CPEB1: variants seen among roughly 807,000 people sequenced by gnomAD.
The protein encoded by CPEB1 is cytoplasmic polyadenylation element-binding protein 1.
A neutral mutation model predicts 65.8 loss-of-function variants in CPEB1; 7 were observed. The observed-to-expected ratio is 0.11, with a 90% CI of 0.06 to 0.20. The LOEUF is 0.20. Among genes scored for constraint, CPEB1 ranks in the 10% least tolerant of loss-of-function variants. The probability of loss-of-function intolerance (pLI) is 1.00; values close to 1 mark genes in which losing one functional copy is unlikely to be tolerated. For synonymous variants in CPEB1, 262 were observed against 260.0 expected, an observed-to-expected ratio of 1.01 and a Z score of -0.08; for missense variants, 551 against 712.2, an observed-to-expected ratio of 0.77 and a Z score of 2.58.
intron 3 of CPEB1, among the ~76,000 whole-genome samples, chr15:82,587,615 T>A (rs78616413): frequency 0.018 from 2,686 of 152,302 alleles, 30 homozygotes; most frequent in Non-Finnish European, 0.025. Flanking sequence ...GTAGCACGTA[T>A]GAATCTTTAC....
chr15:82,596,745 G>A (rs2042698251), intron 3 of CPEB1, among the ~76,000 whole-genome samples: 1 of 146,220 alleles, frequency 6.8e-6, no homozygotes, highest in African/African-American at 2.5e-5. Context: ...TTTATAGCAA[G>A]AAGATACCCA....
chr15:82,589,625 T>C (rs2151138768), intron 3 of CPEB1, among the ~76,000 whole-genome samples: 1 of 151,776 alleles, frequency 6.6e-6, no homozygotes, highest in South Asian at 2.1e-4. Flanking sequence ...ATGCCCATAG[T>C]CCCAGCTACT....
chr15:82,603,993 A>G (rs564855282), intron 3 of CPEB1, among the ~76,000 whole-genome samples: 1 of 152,380 alleles, frequency 6.6e-6, no homozygotes, highest in South Asian at 2.1e-4. Flanking sequence ...GGTCCCTGAC[A>G]AAGGGCAGAC....
chr15:82,581,185 A>G (rs2041249178), intron 3 of CPEB1, among the ~76,000 whole-genome samples: 1 of 152,206 alleles, frequency 6.6e-6, no homozygotes, highest in Admixed American at 6.5e-5. Flanking sequence ...TATGTTGTCC[A>G]GGCTGGCCCC....
intron 3 of CPEB1, among the ~76,000 whole-genome samples, chr15:82,604,151 C>G (rs888880034): frequency 3.9e-5 from 6 of 152,112 alleles, no homozygotes; most frequent in African/African-American, 1.4e-4. Context: ...GAGTTCAAGC[C>G]AAGCCTGGGC....
intron 3 of CPEB1, among the ~76,000 whole-genome samples, chr15:82,590,408 C>T (rs2042152430): frequency 6.6e-6 from 1 of 152,052 alleles, no homozygotes; most frequent in South Asian, 2.1e-4. Flanking sequence ...TTAGAGCATT[C>T]CATCATCCCC....
chr15:82,558,081 A>G, intron 4 of CPEB1, 95 bp from the exon 5 acceptor site: 1 of 818,492 alleles, frequency 1.2e-6, no homozygotes, highest in Non-Finnish European at 1.9e-6. Flanking sequence ...AAGAGATACC[A>G]AAGGCAAGAC....
At chr15:82,613,397 G>T (rs550723094) in intron 3 of CPEB1, among the ~76,000 whole-genome samples, 1 of 151,888 alleles carries the variant, frequency 6.6e-6, no homozygotes, top group Non-Finnish European at 1.5e-5. Context: ...GTTTTGTTTT[G>T]TTTTTTTGGA....
chr15:82,578,681 C>T (rs896930124), intron 3 of CPEB1, among the ~76,000 whole-genome samples: 6 of 152,110 alleles, frequency 3.9e-5, no homozygotes, highest in African/African-American at 1.4e-4. Flanking sequence ...CACTTGAACC[C>T]AAGAGGCGGA....
At chr15:82,558,950 G>C (rs550896509) in intron 4 of CPEB1, among the ~76,000 whole-genome samples, 27 of 97,716 alleles carry the variant, frequency 2.8e-4, no homozygotes, top group Admixed American at 2.4e-3. Flanking sequence ...GCCTTAATTT[G>C]AAGTTTTTTT....
intron 3 of CPEB1, among the ~76,000 whole-genome samples, chr15:82,620,742 G>A (rs1391643861): frequency 6.6e-6 from 1 of 152,164 alleles, no homozygotes; most frequent in African/African-American, 2.4e-5. Context: ...GTTCAAGGCT[G>A]CAGTGAGCTA....
At chr15:82,643,871 A>C (rs2047292552) in intron 1 of CPEB1, among the ~76,000 whole-genome samples, 1 of 152,208 alleles carries the variant, frequency 6.6e-6, no homozygotes, top group South Asian at 2.1e-4. Flanking sequence ...AAGAGACAGC[A>C]TTATGGGAAT....
chr15:82,578,091 G>A (rs2040865348), intron 3 of CPEB1, among the ~76,000 whole-genome samples: 1 of 152,084 alleles, frequency 6.6e-6, no homozygotes. Context: ...AGTGAGCCGA[G>A]ATCGTGCCAC....
intron 1 of CPEB1, chr15:82,640,539 C>T (rs546166630): frequency 6.6e-6 from 1 of 152,328 alleles, no homozygotes; most frequent in South Asian, 2.1e-4. Flanking sequence ...CCACTCCCTA[C>T]ACTATGCCTG....
chr15:82,602,364 T>C (rs538796593), intron 3 of CPEB1, among the ~76,000 whole-genome samples: 1 of 152,172 alleles, frequency 6.6e-6, no homozygotes, highest in Non-Finnish European at 1.5e-5. Flanking sequence ...GGGAAATTTA[T>C]AGTCTTTGGT....
intron 3 of CPEB1, among the ~76,000 whole-genome samples, chr15:82,592,037 T>C (rs2042294747): frequency 6.6e-6 from 1 of 151,422 alleles, no homozygotes; most frequent in South Asian, 2.1e-4. Context: ...AGAGATAGGG[T>C]TTTGCCATAT....
chr15:82,570,531 T>A (rs758271889), intron 4 of CPEB1, among the ~76,000 whole-genome samples: 7 of 152,142 alleles, frequency 4.6e-5, no homozygotes, highest in Non-Finnish European at 1.0e-4. Context: ...CCAAGACTTG[T>A]ATTTAGGCAA....
chr15:82,564,859 A>G (rs2038862152), intron 4 of CPEB1, among the ~76,000 whole-genome samples: 1 of 152,116 alleles, frequency 6.6e-6, no homozygotes, highest in Non-Finnish European at 1.5e-5. Context: ...GGGCCACTGC[A>G]ATACACTCCT....
rs1190282389 is a variant in CPEB1 at position 82,618,568 on chromosome 15, T to C, written c.271+8625A>G. 3.3e-5 allele frequency among the ~76,000 whole-genome samples: 5 copies of C among 152,136 alleles called. No homozygotes were observed. In the East Asian group the frequency reaches 7.7e-4, roughly 24 times the overall value. On this transcript the variant is annotated intron_variant, in intron 3 of 12. Transcript: ENST00000684509. ...CTCACATCTCAAAACTATAGACTATTTGGGAGACAGGTTACCTCAAACAAT... is the reference window on the plus strand; with the variant it reads ...CTCACATCTCAAAACTATAGACTATCTGGGAGACAGGTTACCTCAAACAAT...
Sources: allele counts gnomAD v4.1 joint callset (sites outside exome capture counted in the v4.1 genomes callset), GRCh38; gene constraint gnomAD v4.1.1; transcripts MANE v1.5; gene names NCBI Gene and HGNC (gene_info 2026-07-23, HGNC 2026-07-21).